The following RHOJ variants were observed in gnomAD, a reference collection of about 807,000 sequenced individuals.
RHOJ encodes the protein ras homolog family member J.
A neutral mutation model predicts 23.4 loss-of-function variants in RHOJ; 11 were observed. That is an observed-to-expected ratio of 0.47 (90% CI 0.30 to 0.78). The LOEUF (loss-of-function observed/expected upper bound fraction) is 0.78, where lower values mean the gene tolerates loss of function less well. Among genes scored for constraint, RHOJ ranks in the 30% least tolerant of loss-of-function variants. The pLI is 0.08. For synonymous variants in RHOJ, 102 were observed against 102.7 expected (o/e 0.99, Z 0.04); for missense variants, 254 against 273.4 (o/e 0.93, Z 0.50).
At chr14:63,265,174 TC>T (rs1320464627) in intron 1 of RHOJ, among the ~76,000 whole-genome samples, 1 of 152,220 alleles carries the variant, frequency 6.6e-6, no homozygotes, top group African/African-American at 2.4e-5. Flanking sequence ...TATATTTAAA[TC>T]TTTAATTCAT....
intron 1 of RHOJ, among the ~76,000 whole-genome samples, chr14:63,227,101 G>A (rs1278346770): frequency 6.6e-6 from 1 of 152,066 alleles, no homozygotes; most frequent in Non-Finnish European, 1.5e-5. Context: ...ACAGGCGCCT[G>A]CCACCATGCC....
chr14:63,269,247 C>G (rs1378342044), intron 2 of RHOJ, 79 bp downstream of exon 2: 1 of 1,000,720 alleles, frequency 1.0e-6, no homozygotes, highest in African/African-American at 1.6e-5. Context: ...GCAGATGGGA[C>G]TCATAGCACA....
In RHOJ at chr14:63,223,127, C is replaced by T. The variant is rs975957270; in HGVS notation, c.178+18080C>T. Among the ~76,000 whole-genome samples the T allele has an allele frequency of 2.2e-4, 34 of 152,182 alleles. 1 individual carries two copies. Among genetic ancestry groups the T allele is most frequent in the Non-Finnish European group, 4.3e-4 (29 of 68,028 alleles). On this transcript the variant is annotated intron_variant, in intron 1 of 4. Transcript: ENST00000316754. ...TTTCACAGAATTCATAGATGCAAGT[C>T]GCATGTGAAGATGCTCCATCTTGGA... is the stretch of plus-strand genomic sequence containing the variant.
intron 1 of RHOJ, among the ~76,000 whole-genome samples, chr14:63,222,565 C>G (rs1043754788): frequency 1.6e-4 from 24 of 152,218 alleles, no homozygotes; most frequent in Admixed American, 1.4e-3. Context: ...TTGCATTTCT[C>G]TGATGGCCAG....
At chr14:63,284,424 A>G in intron 4 of RHOJ, 3 of 874,136 alleles carry the variant, frequency 3.4e-6, no homozygotes, top group Non-Finnish European at 4.1e-6. Context: ...CAGCCTCATA[A>G]TAACCCTCTT....
At chr14:63,228,195 C>A (rs1004055427) in intron 1 of RHOJ, among the ~76,000 whole-genome samples, 1 of 152,182 alleles carries the variant, frequency 6.6e-6, no homozygotes, top group Non-Finnish European at 1.5e-5. Context: ...AATATATGTA[C>A]ACTTTTACAC....
At chr14:63,237,528 T>C (rs1894811098) in intron 1 of RHOJ, among the ~76,000 whole-genome samples, 1 of 152,196 alleles carries the variant, frequency 6.6e-6, no homozygotes, top group African/African-American at 2.4e-5. Flanking sequence ...GCTTCCCTCT[T>C]AGGCCAAAGC....
At chr14:63,225,923 G>T (rs966020047) in intron 1 of RHOJ, among the ~76,000 whole-genome samples, 5 of 152,156 alleles carry the variant, frequency 3.3e-5, no homozygotes, top group Non-Finnish European at 1.5e-5. Flanking sequence ...GCTTCAGGAA[G>T]AATAATGCAG....
At chr14:63,288,091 C>T in intron 4 of RHOJ, 4 of 805,842 alleles carry the variant, frequency 5.0e-6, no homozygotes, top group Non-Finnish European at 6.0e-6. Flanking sequence ...CAAATGACAC[C>T]AATAATCTGA....
chr14:63,242,612 G>A (rs897206767), intron 1 of RHOJ, among the ~76,000 whole-genome samples: 2 of 152,138 alleles, frequency 1.3e-5, no homozygotes, highest in African/African-American at 4.8e-5. Flanking sequence ...TTGATGTGCA[G>A]GAAGACACAT....
At chr14:63,284,004 C>G (rs1881995279) in intron 4 of RHOJ, among the ~76,000 whole-genome samples, 1 of 152,128 alleles carries the variant, frequency 6.6e-6, no homozygotes, top group Non-Finnish European at 1.5e-5. Flanking sequence ...GAGCTTAAAT[C>G]GGACTCCTCA....
chr14:63,233,726 C>G (rs1894737701), intron 1 of RHOJ, among the ~76,000 whole-genome samples: 1 of 152,196 alleles, frequency 6.6e-6, no homozygotes, highest in Admixed American at 6.5e-5. Context: ...TAGTCATCCT[C>G]TCTTCCCTGG....
intron 1 of RHOJ, among the ~76,000 whole-genome samples, chr14:63,251,936 C>G (rs1895079007): frequency 6.6e-6 from 1 of 152,036 alleles, no homozygotes; most frequent in African/African-American, 2.4e-5. Flanking sequence ...GCCTGGTCAT[C>G]ATGGCAAAAT....
intron 1 of RHOJ, among the ~76,000 whole-genome samples, chr14:63,259,626 A>G (rs1474419749): frequency 6.6e-6 from 1 of 152,226 alleles, no homozygotes; most frequent in Admixed American, 6.5e-5. Context: ...ACAGTGAAAG[A>G]TGGTCTTGCA....
At chr14:63,271,526 C>A (rs911310384) in intron 2 of RHOJ, among the ~76,000 whole-genome samples, 1 of 152,226 alleles carries the variant, frequency 6.6e-6, no homozygotes, top group Non-Finnish European at 1.5e-5. Flanking sequence ...TACTGTGCCC[C>A]ACTCCAAGAA....
chr14:63,222,953 G>A lies in RHOJ; in HGVS notation c.178+17906G>A, dbSNP rs1894525459. Among the ~76,000 whole-genome samples, 3 of 152,164 alleles carry A rather than the reference G, an allele frequency of 2.0e-5. No individual in the cohort carries two copies. The South Asian group carries it at 6.2e-4, about 32-fold the overall frequency. On this transcript the variant is annotated intron_variant, in intron 1 of 4. Coordinates refer to ENST00000316754, the MANE Select transcript of RHOJ (RefSeq NM_020663.5). ...TTTATTTATTGCCCTCCTCACCTCT[G>A]TGTTTCTGGAGAACACAAAGGAGCT...
At chr14:63,207,010 G>A (rs1894124890) in intron 1 of RHOJ, among the ~76,000 whole-genome samples, 1 of 151,390 alleles carries the variant, frequency 6.6e-6, no homozygotes, top group Non-Finnish European at 1.5e-5. Flanking sequence ...CTGTAATGAA[G>A]TGGTCATTTC....
intron 1 of RHOJ, among the ~76,000 whole-genome samples, chr14:63,257,105 G>T (rs1469491339): frequency 2.7e-5 from 4 of 148,528 alleles, no homozygotes; most frequent in African/African-American, 9.9e-5. Flanking sequence ...AGGCATGGTG[G>T]CACATGCCTG....
intron 1 of RHOJ, among the ~76,000 whole-genome samples, chr14:63,229,262 A>G (rs1044354498): frequency 6.6e-6 from 1 of 152,238 alleles, no homozygotes; most frequent in African/African-American, 2.4e-5. Flanking sequence ...GTTAGTTTGA[A>G]TTTAACTATG....
Sources: allele counts gnomAD v4.1 joint callset (sites outside exome capture counted in the v4.1 genomes callset), GRCh38; gene constraint gnomAD v4.1.1; transcripts MANE v1.5; gene names NCBI Gene and HGNC (gene_info 2026-07-23, HGNC 2026-07-21).